Variants in GLYATL1 observed in about 807,000 individuals in gnomAD.
GLYATL1 encodes glycine-N-acyltransferase like 1.
A neutral mutation model predicts 20.0 loss-of-function variants in GLYATL1; 15 were observed. The ratio of observed to expected loss-of-function variants is 0.75; its 90% CI spans 0.50 to 1.15. GLYATL1 has a LOEUF of 1.15. Ranked by LOEUF, GLYATL1 falls within the 50% of genes most tolerant of loss-of-function variation. The probability of loss-of-function intolerance (pLI) is 0.00; values close to 1 mark genes in which losing one functional copy is unlikely to be tolerated. For synonymous variants in GLYATL1, 151 were observed against 131.5 expected (o/e 1.15, Z -1.01); for missense variants, 380 against 368.5 (o/e 1.03, Z -0.26).
chr11:58,918,363 G>A (rs980065603), intron 1 of GLYATL1, among the ~76,000 whole-genome samples: 1 of 152,192 alleles, frequency 6.6e-6, no homozygotes, highest in African/African-American at 2.4e-5. Flanking sequence ...TTCTATAATG[G>A]CTTTCCCATT....
At chr11:58,937,695 C>T (rs1025654713), upstream of GLYATL1, among the ~76,000 whole-genome samples, 8 of 152,140 alleles carry the variant, frequency 5.3e-5, no homozygotes, top group African/African-American at 1.9e-4. Flanking sequence ...CAAAGTTTTC[C>T]AAATGATCTT....
At chr11:58,952,448 T>C (rs146910805) in intron 4 of GLYATL1, among the ~76,000 whole-genome samples, 66 of 152,344 alleles carry the variant, frequency 4.3e-4, no homozygotes, top group African/African-American at 1.6e-3. Flanking sequence ...GATTTGGCAT[T>C]AGGATCTTTT....
chr11:58,912,697 T>C (rs922645224), downstream of GLYATL1, among the ~76,000 whole-genome samples: 5 of 152,160 alleles, frequency 3.3e-5, no homozygotes, highest in African/African-American at 9.7e-5. Context: ...GTTTTCCAAT[T>C]TGACAGAAAA....
intron 1 of GLYATL1, among the ~76,000 whole-genome samples, chr11:58,930,851 T>C (rs999240894): frequency 6.6e-6 from 1 of 152,214 alleles, no homozygotes; most frequent in African/African-American, 2.4e-5. Context: ...TCACGAATTA[T>C]AAGAAAATAT....
At chr11:58,919,691 A>G (rs906840155) in intron 1 of GLYATL1, among the ~76,000 whole-genome samples, 2 of 152,178 alleles carry the variant, frequency 1.3e-5, no homozygotes, top group Admixed American at 6.5e-5. Flanking sequence ...AGCTCATTAA[A>G]ATCCAGAAGC....
At chr11:58,943,725 G>T (rs1223250778) in intron 2 of GLYATL1, 59 bp downstream of exon 2, 3 of 1,589,292 alleles carry the variant, frequency 1.9e-6, no homozygotes, top group Non-Finnish European at 2.6e-6. Flanking sequence ...TCTCTGAGTT[G>T]CTTGGAGCAA....
chr11:58,934,617 C>T (rs893167786), upstream of GLYATL1: 1 of 152,124 alleles, frequency 6.6e-6, no homozygotes, highest in African/African-American at 2.4e-5. Context: ...AACCTAAGTC[C>T]ACAGAGGCAG....
intron 4 of GLYATL1, among the ~76,000 whole-genome samples, chr11:58,952,412 ACT>A (rs1446073408): frequency 1.3e-5 from 2 of 152,156 alleles, no homozygotes; most frequent in East Asian, 3.9e-4. Context: ...TGTTGTCATA[ACT>A]CTCTTTTTGT....
chr11:58,911,637 T>G (rs1160601991), downstream of GLYATL1, among the ~76,000 whole-genome samples: 1 of 152,236 alleles, frequency 6.6e-6, no homozygotes, highest in Non-Finnish European at 1.5e-5. Context: ...ATTAAAATAT[T>G]TTGCCCATTT....
chr11:58,938,878 G>A (rs72915194), upstream of GLYATL1, among the ~76,000 whole-genome samples: 212 of 152,298 alleles, frequency 1.4e-3, no homozygotes, highest in Admixed American at 2.5e-3. Flanking sequence ...AAACTGGCAA[G>A]CTCAGCAGCC....
chr11:58,931,513 A>T (rs1481431861), intron 1 of GLYATL1, among the ~76,000 whole-genome samples: 1 of 152,216 alleles, frequency 6.6e-6, no homozygotes, highest in African/African-American at 2.4e-5. Context: ...TCACTGGAGT[A>T]ATTTCTTATC....
rs563817110 is a variant in GLYATL1 at position 58,947,941 on chromosome 11, G to A, written c.162G>A (p.Met54Ile). 5.0e-6 allele frequency: 8 copies of A among 1,613,638 alleles called. No individual in the cohort carries two copies. In the Admixed American group the frequency reaches 1.3e-4, roughly 27 times the overall value. ...VLVDSWPEYQ[M>I]VIIRPQKQEM... The stretch of plus-strand genomic sequence containing the variant: ...TGGATTCCTGGCCTGAATATCAGAT[G>A]GTTATTATCCGGCCTCAAAAGCAGG... Residue 54 changes from methionine to isoleucine, a missense_variant, in exon 4 of 7, where the codon ATG (methionine) becomes ATA (isoleucine). Transcript: ENST00000532726.
intron 1 of GLYATL1, among the ~76,000 whole-genome samples, chr11:58,931,381 G>A (rs1299348277): frequency 6.6e-6 from 1 of 152,126 alleles, no homozygotes; most frequent in Non-Finnish European, 1.5e-5. Context: ...ACATTTTGAG[G>A]TACTAGGGGT....
intron 1 of GLYATL1, 102 bp from the exon 2 acceptor site, chr11:58,943,441 G>T (rs748277208): frequency 1.3e-6 from 2 of 1,526,662 alleles, no homozygotes; most frequent in Admixed American, 2.1e-5. Flanking sequence ...CCGGAGCCTC[G>T]GTGAATCTGC....
chr11:58,947,121 G>T lies in GLYATL1; in HGVS notation c.34G>T (p.Ala12Ser). Residue 12 changes from alanine (A) to serine (S), a missense_variant, in exon 3 of 7, where the codon GCC becomes TCC. Physicochemically the swap from Ala to Ser is moderately conservative, Grantham distance 99 (BLOSUM62 1). Transcript: ENST00000532726. ...ILLNNSHKLL[A>S]LYKSLARSIP... ...ACTGAATAACTCCCATAAGCTGCTG[G>T]CCCTATACAAATCCTTGGCCAGGAG... 6.2e-7 allele frequency: 1 copy of T among 1,614,070 alleles called. No individual in the cohort carries two copies. The highest frequency in any genetic ancestry group is 8.5e-7 in the Non-Finnish European group (1 of 1,179,916).
At chr11:58,947,023 C>G in intron 2 of GLYATL1, 23 bp from the exon 3 acceptor site, 1 of 1,557,394 alleles carries the variant, frequency 6.4e-7, no homozygotes, top group Non-Finnish European at 8.9e-7. Flanking sequence ...TTAACATTTT[C>G]CCTTCATTTC....
At chr11:58,935,751 C>T (rs1243961992), upstream of GLYATL1, 1 of 151,976 alleles carries the variant, frequency 6.6e-6, no homozygotes, top group African/African-American at 2.4e-5. Flanking sequence ...TTATCAAACA[C>T]ACACATATAT....
At chr11:58,947,296 G>A (rs563146651) in intron 3 of GLYATL1, 131 bp downstream of exon 3, 4 of 1,246,374 alleles carry the variant, frequency 3.2e-6, no homozygotes, top group South Asian at 3.2e-5. Context: ...GGGACTGGGG[G>A]CACAGGCTGC....
intron 2 of GLYATL1, among the ~76,000 whole-genome samples, chr11:58,945,075 G>A (rs1445054700): frequency 6.7e-6 from 1 of 149,442 alleles, no homozygotes; most frequent in Non-Finnish European, 1.5e-5. Context: ...CTAGCCAGGG[G>A]CTAGGGAGAG....
Sources: gnomAD v4.1 joint callset for allele counts (sites outside exome capture counted in the v4.1 genomes callset) on GRCh38, gnomAD v4.1.1 for gene constraint, MANE v1.5 for transcripts, NCBI Gene and HGNC (gene_info 2026-07-23, HGNC 2026-07-21) for gene names.